ZNF771: variants seen among roughly 807,000 people sequenced by gnomAD.
The protein encoded by ZNF771 is mesenchymal stem cell protein DSC43.
A neutral mutation model predicts 27.6 loss-of-function variants in ZNF771; 10 were observed. The ratio of observed to expected loss-of-function variants is 0.36; its 90% CI spans 0.22 to 0.61. The LOEUF (loss-of-function observed/expected upper bound fraction) is 0.61. ZNF771 is among the 20% of genes least tolerant of loss of function. The probability of loss-of-function intolerance (pLI) is 0.70; values close to 1 mark genes in which losing one functional copy is unlikely to be tolerated. For synonymous variants in ZNF771, 261 were observed against 225.2 expected, an observed-to-expected ratio of 1.16 and a Z score of -1.43; for missense variants, 438 against 503.7, an observed-to-expected ratio of 0.87 and a Z score of 1.25.
At chr16:30,408,753 G>A (rs1421432562) in intron 2 of ZNF771, among the ~76,000 whole-genome samples, 3 of 152,184 alleles carry the variant, frequency 2.0e-5, no homozygotes, top group African/African-American at 7.2e-5. Context: ...TGTGAGACTA[G>A]TAGGAGTCTG....
rs1390773431 is a variant in ZNF771 at position 30,418,399 on chromosome 16, G to T, written c.*32G>T. On this transcript the variant is annotated 3_prime_UTR_variant, in exon 3 of 3. Transcript: ENST00000319296. ...CAGGGCTGCGGAGGGGCGCGCTGGG[G>T]CTTCGACCTGGCTGCACTAACCCAG... 5 of 1,364,528 alleles carry T rather than the reference G, an allele frequency of 3.7e-6. No individual in the cohort carries two copies. The African/African-American group carries it at 6.1e-5, about 17-fold the overall frequency. 84.5% of individuals were successfully genotyped at this position (1,364,528 alleles called of 1,614,324 possible).
intron 1 of ZNF771, 45 bp from the exon 2 acceptor site, chr16:30,408,000 G>A (rs1489480735): frequency 2.3e-5 from 16 of 686,618 alleles, no homozygotes; most frequent in South Asian, 7.4e-5. Context: ...GGGGGGGGGT[G>A]GGGGGGGGCG....
intron 2 of ZNF771, chr16:30,413,529 C>T: frequency 9.7e-6 from 3 of 310,422 alleles, no homozygotes; most frequent in Admixed American, 7.9e-5. Flanking sequence ...TAAAGTTTGC[C>T]CACATACCAC....
rs1334262479 is a variant in ZNF771, at chr16:30,418,649, T to C, written c.*282T>C. On this transcript the variant is annotated 3_prime_UTR_variant, in exon 3 of 3. Coordinates refer to ENST00000319296, the MANE Select transcript of ZNF771 (RefSeq NM_001142305.2). ...TGGGAGAGGAAGAAAGTTGGGGTTC[T>C]CCAGGCTCAGGTGCCAAGTGAGTTG... The C allele has an allele frequency of 7.8e-6, 3 of 383,926 alleles. No individual in the cohort carries two copies. Among genetic ancestry groups the C allele is most frequent in the Non-Finnish European group, 9.2e-6 (2 of 217,012 alleles). 23.8% of individuals were successfully genotyped at this position (383,926 alleles called of 1,614,324 possible). A position where few individuals can be genotyped will look rare whatever the true frequency, so the allele number is the denominator to read the frequency against.
intron 2 of ZNF771, among the ~76,000 whole-genome samples, chr16:30,412,575 T>A (rs1730310382): frequency 6.6e-6 from 1 of 152,142 alleles, no homozygotes; most frequent in Non-Finnish European, 1.5e-5. Flanking sequence ...GGAGGATTGA[T>A]TGAGCTCAGG....
In ZNF771 at chr16:30,418,069, C is replaced by A. The variant is rs768394000; in HGVS notation, c.656C>A (p.Ala219Asp). Residue 219 changes from alanine (A) to aspartate (D), a missense_variant, in exon 3 of 3, where the codon GCC becomes GAC. Ala to Asp is a moderately radical substitution (Grantham distance 126, BLOSUM62 -2). Coordinates refer to ENST00000319296, the MANE Select transcript of ZNF771 (RefSeq NM_001142305.2). ...CGCTTCGCTCAGAGCTCGGCGCTGG[C>A]CAAGCACCGGCGCGTGCACACGGGC... is the stretch of plus-strand genomic sequence containing the variant. ...GTRFAQSSAL[A>D]KHRRVHTGEK... is the part of the protein sequence containing the mutation. The A allele has an allele frequency of 4.1e-6, 6 of 1,472,478 alleles. No individual in the cohort carries two copies. Among genetic ancestry groups the A allele is most frequent in the Non-Finnish European group, 8.9e-7 (1 of 1,119,954 alleles). The allele number at this position is 1,472,478 out of a possible 1,614,324, so 91.2% of individuals were successfully genotyped here.
chr16:30,413,388 G>C (rs977385125), intron 2 of ZNF771, among the ~76,000 whole-genome samples: 2 of 152,134 alleles, frequency 1.3e-5, no homozygotes, highest in African/African-American at 4.8e-5. Flanking sequence ...TCTTCAAATA[G>C]ATTCACATTG....
intron 1 of ZNF771, 55 bp from the exon 2 acceptor site, chr16:30,407,990 G>T: frequency 1.1e-6 from 1 of 940,346 alleles, no homozygotes; most frequent in Non-Finnish European, 1.5e-6. Flanking sequence ...CGGTGGGCGG[G>T]GGGGGGGGTG....
At chr16:30,416,276 T>C (rs1173390743) in intron 2 of ZNF771, among the ~76,000 whole-genome samples, 6 of 152,042 alleles carry the variant, frequency 3.9e-5, no homozygotes, top group Non-Finnish European at 7.4e-5. Flanking sequence ...TTATAAACCA[T>C]CTATAGGTTG....
intron 2 of ZNF771, among the ~76,000 whole-genome samples, chr16:30,412,342 G>C (rs1390314474): frequency 6.6e-6 from 1 of 152,156 alleles, no homozygotes. Context: ...GATGTTGCTG[G>C]TCTGTGGACC....
At chr16:30,408,763 G>T (rs542049006) in intron 2 of ZNF771, among the ~76,000 whole-genome samples, 2 of 152,278 alleles carry the variant, frequency 1.3e-5, no homozygotes, top group South Asian at 4.1e-4. Flanking sequence ...GTAGGAGTCT[G>T]GGGTCAGAAG....
At chr16:30,415,674 C>T (rs1440149573) in intron 2 of ZNF771, among the ~76,000 whole-genome samples, 1 of 152,202 alleles carries the variant, frequency 6.6e-6, no homozygotes, top group Non-Finnish European at 1.5e-5. Context: ...AGCCACTGCA[C>T]CTGGCCTTGC....
intron 2 of ZNF771, among the ~76,000 whole-genome samples, chr16:30,408,426 C>A (rs2050088207): frequency 6.6e-6 from 1 of 152,152 alleles, no homozygotes; most frequent in Non-Finnish European, 1.5e-5. Flanking sequence ...TCCTTGGATC[C>A]CCCATGGAGC....
intron 2 of ZNF771, among the ~76,000 whole-genome samples, chr16:30,417,190 C>G (rs775210629): frequency 1.3e-5 from 2 of 152,220 alleles, no homozygotes; most frequent in Non-Finnish European, 2.9e-5. Context: ...CTTGACAACC[C>G]TGTTTAAATC....
chr16:30,419,264 AC>A lies in ZNF771; in HGVS notation c.*899del. The A allele has an allele frequency of 6.6e-6, 1 of 151,592 alleles. No individual in the cohort carries two copies. The highest frequency in any genetic ancestry group is 1.5e-5 in the Non-Finnish European group (1 of 68,120). 9.4% of individuals were successfully genotyped at this position (151,592 alleles called of 1,614,324 possible). A position where few individuals can be genotyped will look rare whatever the true frequency, so the allele number is the denominator to read the frequency against. ...AACAAAAAACAACAAACCAAACCAA[AC>A]CAAACCAAAAAAATCTCAAAGCGAT... On this transcript the variant is annotated 3_prime_UTR_variant, in exon 3 of 3. Coordinates refer to ENST00000319296, the MANE Select transcript of ZNF771 (RefSeq NM_001142305.2).
intron 2 of ZNF771, chr16:30,414,102 G>A (rs891025382): frequency 2.6e-5 from 4 of 152,184 alleles, no homozygotes; most frequent in Admixed American, 2.6e-4. Context: ...TCACCTGAAA[G>A]AGGGTGCCAA....
Position 30,418,379 on chromosome 16 carries a change from C to A in ZNF771, c.*12C>A. The A allele has an allele frequency of 7.3e-7, 1 of 1,373,840 alleles. No homozygotes were observed. Among genetic ancestry groups the A allele is most frequent in the Middle Eastern group, 2.0e-4 (1 of 4,936 alleles). The allele number at this position is 1,373,840 out of a possible 1,614,324, so 85.1% of individuals were successfully genotyped here. ...GTGAGGGCAGCTGAGTCCCGCAGGG[C>A]TGCGGAGGGGCGCGCTGGGGCTTCG... On this transcript the variant is annotated 3_prime_UTR_variant, in exon 3 of 3. Coordinates refer to ENST00000319296, the MANE Select transcript of ZNF771 (RefSeq NM_001142305.2).
chr16:30,417,535 C>T lies in ZNF771; in HGVS notation c.142-20C>T. ...CCGGGGCCTGCCGCTAAGGGCTGAC[C>T]TATCCCCCTCTCCCCGCAGGTCCCG... is the stretch of plus-strand genomic sequence containing the variant. On this transcript the variant is annotated intron_variant, in intron 2 of 2. Transcript: ENST00000319296. The T allele has an allele frequency of 4.1e-6, 5 of 1,214,264 alleles. No homozygotes were observed. Among genetic ancestry groups the T allele is most frequent in the Non-Finnish European group, 5.1e-6 (5 of 977,544 alleles). 75.2% of individuals were successfully genotyped at this position (1,214,264 alleles called of 1,614,324 possible).
chr16:30,415,859 T>C (rs2050131320), intron 2 of ZNF771, among the ~76,000 whole-genome samples: 1 of 152,194 alleles, frequency 6.6e-6, no homozygotes, highest in African/African-American at 2.4e-5. Flanking sequence ...TCAGTTTTGC[T>C]GGGGTTTTGA....
Sources: gnomAD v4.1 joint callset for allele counts (sites outside exome capture counted in the v4.1 genomes callset) on GRCh38, gnomAD v4.1.1 for gene constraint, MANE v1.5 for transcripts, NCBI Gene and HGNC (gene_info 2026-07-23, HGNC 2026-07-21) for gene names.